The following COLQ variants were observed in gnomAD, a reference collection of about 807,000 sequenced individuals.
The protein encoded by COLQ is collagen like tail subunit of asymmetric acetylcholinesterase.
Under a neutral mutation model 69.0 loss-of-function variants are expected in COLQ, and 48 were observed. The observed-to-expected ratio is 0.70, with a 90% CI of 0.55 to 0.88. The LOEUF (loss-of-function observed/expected upper bound fraction) is 0.88, where lower values mean the gene tolerates loss of function less well. Among genes scored for constraint, COLQ ranks in the 40% least tolerant of loss-of-function variants. The pLI is 0.00. For missense variants in COLQ, 618 were observed against 594.6 expected, an observed-to-expected ratio of 1.04 and a Z score of -0.41; for synonymous variants, 217 against 211.2, an observed-to-expected ratio of 1.03 and a Z score of -0.24.
chr3:15,490,988 T>C (rs1026111550), intron 1 of COLQ, among the ~76,000 whole-genome samples: 6 of 152,198 alleles, frequency 3.9e-5, no homozygotes, highest in Non-Finnish European at 7.3e-5. Flanking sequence ...CTCTGAATGA[T>C]GGGCATTGGC....
chr3:15,469,679 C>A (rs2062250828), intron 11 of COLQ, among the ~76,000 whole-genome samples: 1 of 152,074 alleles, frequency 6.6e-6, no homozygotes, highest in Non-Finnish European at 1.5e-5. Flanking sequence ...AATAACCAAA[C>A]CCATGCTGAA....
At chr3:15,503,307 T>A (rs1226096826) in intron 1 of COLQ, among the ~76,000 whole-genome samples, 1 of 152,162 alleles carries the variant, frequency 6.6e-6, no homozygotes, top group Non-Finnish European at 1.5e-5. Context: ...TAGGCCAGAG[T>A]GAGCCCTGTG....
At chr3:15,453,184 G>A (rs1013942372) in intron 16 of COLQ, among the ~76,000 whole-genome samples, 2 of 152,196 alleles carry the variant, frequency 1.3e-5, no homozygotes, top group African/African-American at 4.8e-5. Flanking sequence ...CTCATGGGGC[G>A]GTGGCCCTCA....
chr3:15,462,972 G>C (rs548091749), intron 12 of COLQ, among the ~76,000 whole-genome samples: 1 of 152,330 alleles, frequency 6.6e-6, no homozygotes, highest in South Asian at 2.1e-4. Flanking sequence ...AGTCAAGGGA[G>C]AGGGAGGTGG....
chr3:15,474,936 T>C lies in COLQ; in HGVS notation c.544A>G (p.Arg182Gly), dbSNP rs1216086796. Reference protein sequence around the residue: ...PMGSKGYPGSRGEKGSRGEKG... With the variant: ...PMGSKGYPGSGGEKGSRGEKG... Reference sequence around the variant, plus strand: ...AGAAAAGCACTAACCTTTTCCCCTCTGGATCCAGGGTAGCCCTAAAAGAAA... The same window carrying C: ...AGAAAAGCACTAACCTTTTCCCCTCCGGATCCAGGGTAGCCCTAAAAGAAA... The change falls in exon 8 of 17, where the codon AGA becomes GGA. Residue 182 changes from arginine (R) to glycine (G), a missense_variant. By Grantham distance (125) the Arg-to-Gly change is moderately radical. Coordinates refer to ENST00000383788, the MANE Select transcript of COLQ (RefSeq NM_005677.4). The C allele has an allele frequency of 6.2e-7, 1 of 1,614,162 alleles. No homozygotes were observed. The highest frequency in any genetic ancestry group is 1.1e-5 in the South Asian group (1 of 91,088).
At position 15,521,602 on chromosome 3, in the gene COLQ, A is replaced by C; in HGVS notation, c.24T>G (p.Thr8=). The change falls in exon 1 of 17, where the codon ACT becomes ACG. Residue 8 remains threonine (T), a synonymous_variant. Coordinates refer to ENST00000383788, the MANE Select transcript of COLQ (RefSeq NM_005677.4). ...AGAAAAGCTGAAGATAAATTCCCAA[A>C]GTCATTGGATTCAGGACAACCATGC... MVVLNPM[T]LGIYLQLFFL... The C allele has an allele frequency of 6.2e-7, 1 of 1,614,178 alleles. No individual in the cohort carries two copies. Among genetic ancestry groups the C allele is most frequent in the East Asian group, 2.2e-5 (1 of 44,890 alleles).
At chr3:15,453,721 G>A in intron 16 of COLQ, 108 bp downstream of exon 16, 1 of 750,998 alleles carries the variant, frequency 1.3e-6, no homozygotes, top group Non-Finnish European at 2.3e-6. Context: ...TGTCTAGAAG[G>A]CACCACAAAG....
intron 13 of COLQ, among the ~76,000 whole-genome samples, chr3:15,457,915 C>G (rs563137049): frequency 5.7e-4 from 86 of 152,194 alleles, no homozygotes; most frequent in African/African-American, 2.0e-3. Context: ...CCATGCCCGG[C>G]CAAAAGTACA....
At position 15,515,131 on chromosome 3, in the gene COLQ, T is replaced by C. The variant is rs555895535; in HGVS notation, c.106+6389A>G. ...TCATCTCTTAGGACTGGATAAGTTC[T>C]CAGAGAGATGACAGAAACTCCATGT... On this transcript the variant is annotated intron_variant, in intron 1 of 16. Transcript: ENST00000383788. 5.3e-5 allele frequency among the ~76,000 whole-genome samples: 8 copies of C among 152,336 alleles called. No homozygotes were observed. In the South Asian group the frequency reaches 1.7e-3, roughly 32 times the overall value.
intron 1 of COLQ, chr3:15,498,916 G>A (rs2062792129): frequency 1.6e-6 from 2 of 1,259,390 alleles, no homozygotes; most frequent in African/African-American, 1.8e-5. Context: ...CAAGCCAAGA[G>A]GAAATTGAGA....
chr3:15,498,549 G>C, intron 1 of COLQ: 1 of 1,551,958 alleles, frequency 6.4e-7, no homozygotes, highest in African/African-American at 1.4e-5. Context: ...GTCCTGAAAT[G>C]ATGAGCAGAT....
intron 1 of COLQ, chr3:15,499,015 A>T: frequency 5.1e-6 from 5 of 989,776 alleles, no homozygotes; most frequent in Admixed American, 1.1e-4. Context: ...TAAGCCTCAA[A>T]GTCAACCCCC....
At chr3:15,454,008 G>T (rs1484715871) in intron 15 of COLQ, 77 bp from the exon 16 acceptor site, 1 of 1,017,142 alleles carries the variant, frequency 9.8e-7, no homozygotes. Context: ...AGGACCATGC[G>T]GCCCAAGGGA....
intron 1 of COLQ, among the ~76,000 whole-genome samples, chr3:15,503,111 G>A (rs1285332435): frequency 6.6e-6 from 1 of 152,160 alleles, no homozygotes; most frequent in Non-Finnish European, 1.5e-5. Context: ...ATGGCTCACT[G>A]GTTCCCAACC....
chr3:15,474,794 G>A (rs1386540246), intron 8 of COLQ, 131 bp downstream of exon 8: 7 of 1,082,186 alleles, frequency 6.5e-6, no homozygotes, highest in African/African-American at 3.1e-5. Context: ...GACAAAGGGT[G>A]GGGAATAGCT....
At chr3:15,516,332 C>T (rs898123771) in intron 1 of COLQ, among the ~76,000 whole-genome samples, 2 of 152,222 alleles carry the variant, frequency 1.3e-5, no homozygotes, top group South Asian at 2.1e-4. Flanking sequence ...CAGGGGAGCA[C>T]GGGGCTGGAC....
chr3:15,493,793 T>C (rs1036843481), intron 1 of COLQ, among the ~76,000 whole-genome samples: 5 of 152,158 alleles, frequency 3.3e-5, no homozygotes, highest in African/African-American at 1.2e-4. Flanking sequence ...CTCCAAAATA[T>C]GTCAAACAGG....
intron 10 of COLQ, among the ~76,000 whole-genome samples, chr3:15,472,990 G>T: frequency 6.6e-6 from 1 of 150,460 alleles, no homozygotes; most frequent in South Asian, 2.1e-4. Context: ...CTCCTGAGTC[G>T]CTGGGACTAT....
At chr3:15,504,212 G>A (rs188419395) in intron 1 of COLQ, among the ~76,000 whole-genome samples, 8 of 152,310 alleles carry the variant, frequency 5.3e-5, no homozygotes, top group Admixed American at 4.6e-4. Context: ...CAAAATGATA[G>A]CCAGTGCAGA....
Sources: gnomAD v4.1 joint callset for allele counts (sites outside exome capture counted in the v4.1 genomes callset) on GRCh38, gnomAD v4.1.1 for gene constraint, MANE v1.5 for transcripts, NCBI Gene and HGNC (gene_info 2026-07-23, HGNC 2026-07-21) for gene names.